Variants in MYT1L observed in about 807,000 individuals in gnomAD.
MYT1L encodes myelin transcription factor 1 like, also known as myelin transcription factor 1-like protein.
Under a neutral mutation model 126.7 loss-of-function variants are expected in MYT1L, and 12 were observed. The ratio of observed to expected loss-of-function variants is 0.09; its 90% CI spans 0.06 to 0.15. MYT1L has a LOEUF of 0.15. MYT1L is among the 10% of genes least tolerant of loss of function. The probability of loss-of-function intolerance (pLI) is 1.00; values close to 1 mark genes in which losing one functional copy is unlikely to be tolerated. For missense variants in MYT1L, 979 were observed against 1,585.2 expected (o/e 0.62, Z 6.49); for synonymous variants, 541 against 604.2 (o/e 0.90, Z 1.53).
At chr2:2,117,241 A>G (rs777205933) in intron 3 of MYT1L, among the ~76,000 whole-genome samples, 2 of 152,242 alleles carry the variant, frequency 1.3e-5, no homozygotes, top group Non-Finnish European at 2.9e-5. Context: ...TAAAAAATAC[A>G]GGTGGGATCT....
intron 20 of MYT1L, 65 bp from the exon 21 acceptor site, chr2:1,839,435 A>G: frequency 2.1e-6 from 3 of 1,431,396 alleles, no homozygotes; most frequent in Non-Finnish European, 2.9e-6. Context: ...CTTCTGTAAC[A>G]AAGTCAGAAT....
intron 2 of MYT1L, among the ~76,000 whole-genome samples, chr2:2,190,631 A>G (rs2092540449): frequency 6.6e-6 from 1 of 151,792 alleles, no homozygotes; most frequent in South Asian, 2.1e-4. Context: ...CTTCAGTATC[A>G]CCACAGTGTC....
At chr2:2,036,796 A>T (rs1305222533) in intron 4 of MYT1L, among the ~76,000 whole-genome samples, 1 of 152,200 alleles carries the variant, frequency 6.6e-6, no homozygotes, top group Non-Finnish European at 1.5e-5. Flanking sequence ...CTGTTTAAGC[A>T]TCAAACTTAA....
chr2:2,278,866 C>T (rs1274982260), intron 2 of MYT1L, among the ~76,000 whole-genome samples: 1 of 152,140 alleles, frequency 6.6e-6, no homozygotes, highest in Non-Finnish European at 1.5e-5. Flanking sequence ...GCCACATCAC[C>T]TAAAGGAAAG....
intron 2 of MYT1L, among the ~76,000 whole-genome samples, chr2:2,245,497 A>C (rs1366905224): frequency 6.6e-6 from 1 of 152,174 alleles, no homozygotes; most frequent in African/African-American, 2.4e-5. Flanking sequence ...TTATATTTTA[A>C]TGCTACTTCT....
chr2:2,011,002 T>C (rs1429338427), intron 4 of MYT1L, among the ~76,000 whole-genome samples: 3 of 152,188 alleles, frequency 2.0e-5, no homozygotes, highest in Non-Finnish European at 4.4e-5. Context: ...GAGATGGAGT[T>C]GGTGGCAGCC....
intron 2 of MYT1L, among the ~76,000 whole-genome samples, chr2:2,213,260 T>C (rs1572514503): frequency 6.6e-6 from 1 of 152,188 alleles, no homozygotes; most frequent in Admixed American, 6.5e-5. Context: ...CTTGAGTTTC[T>C]GGAATGTGTT....
In MYT1L at chr2:1,945,983, T is replaced by C. The variant is rs987835129; in HGVS notation, c.153-2649A>G. 5.9e-5 allele frequency among the ~76,000 whole-genome samples: 9 copies of C among 152,286 alleles called. No homozygotes were observed. The East Asian group carries it at 1.7e-3, about 29-fold the overall frequency. On this transcript the variant is annotated intron_variant, in intron 8 of 24. Transcript: ENST00000647738. ...TTGTGGTTTGTGGCCTGTTAGGAAC[T>C]GGGCCACACAGCAGGAGGGGGCGGC...
chr2:2,002,393 G>A (rs1258857568), intron 4 of MYT1L, among the ~76,000 whole-genome samples: 1 of 152,134 alleles, frequency 6.6e-6, no homozygotes, highest in Non-Finnish European at 1.5e-5. Context: ...GTACAGTTGG[G>A]TATCTCTCAG....
chr2:1,880,399 G>A (rs1025455278), intron 18 of MYT1L, among the ~76,000 whole-genome samples: 2 of 152,012 alleles, frequency 1.3e-5, no homozygotes, highest in South Asian at 2.1e-4. Context: ...GTGCAGTGGC[G>A]CGATCTCGGC....
chr2:1,819,185 A>G (rs2038147149), intron 21 of MYT1L, among the ~76,000 whole-genome samples: 1 of 152,206 alleles, frequency 6.6e-6, no homozygotes, highest in African/African-American at 2.4e-5. Flanking sequence ...GGCAGTGACA[A>G]TCAAAACACT....
chr2:1,984,219 A>G (rs911688073), intron 5 of MYT1L, among the ~76,000 whole-genome samples: 22 of 152,174 alleles, frequency 1.4e-4, no homozygotes, highest in African/African-American at 5.1e-4. Context: ...TATAATGTAT[A>G]TATATTTGAT....
intron 21 of MYT1L, among the ~76,000 whole-genome samples, chr2:1,823,127 T>G (rs1280046981): frequency 6.6e-6 from 1 of 152,150 alleles, no homozygotes; most frequent in Non-Finnish European, 1.5e-5. Context: ...TCAAATGGCA[T>G]CGACACGTGG....
chr2:2,001,838 G>A (rs183260821), intron 4 of MYT1L, among the ~76,000 whole-genome samples: 22 of 152,240 alleles, frequency 1.4e-4, no homozygotes, highest in African/African-American at 2.2e-4. Context: ...CTGGTACCCC[G>A]GGGATTCTTG....
chr2:2,174,577 C>T (rs1572136697), intron 2 of MYT1L, among the ~76,000 whole-genome samples: 1 of 150,720 alleles, frequency 6.6e-6, no homozygotes, highest in East Asian at 1.9e-4. Context: ...CCCTCCCAGA[C>T]AACGCAGTTT....
chr2:2,267,879 C>A (rs543649329), intron 2 of MYT1L, among the ~76,000 whole-genome samples: 14 of 151,836 alleles, frequency 9.2e-5, no homozygotes, highest in Admixed American at 1.3e-4. Flanking sequence ...AAAAAAAAAA[C>A]CAAGGACAGA....
At chr2:1,883,073 A>G (rs2047763119) in intron 18 of MYT1L, among the ~76,000 whole-genome samples, 1 of 152,166 alleles carries the variant, frequency 6.6e-6, no homozygotes, top group South Asian at 2.1e-4. Context: ...TGCCGTGATG[A>G]CTCAGTCCAG....
At chr2:2,307,758 A>C (rs1440177299) in intron 1 of MYT1L, among the ~76,000 whole-genome samples, 2 of 149,540 alleles carry the variant, frequency 1.3e-5, no homozygotes, top group South Asian at 2.2e-4. Context: ...TACTCTCTCT[A>C]TATTCCACCT....
At chr2:1,850,700 C>T (rs1369429466) in intron 19 of MYT1L, among the ~76,000 whole-genome samples, 1 of 152,190 alleles carries the variant, frequency 6.6e-6, no homozygotes, top group East Asian at 1.9e-4. Flanking sequence ...CAATTCCCCA[C>T]CATCAGTGTC....
Sources: allele counts gnomAD v4.1 joint callset (sites outside exome capture counted in the v4.1 genomes callset), GRCh38; gene constraint gnomAD v4.1.1; transcripts MANE v1.5; gene names NCBI Gene and HGNC (gene_info 2026-07-23, HGNC 2026-07-21).